CFHR3: variants seen among roughly 807,000 people sequenced by gnomAD.
CFHR3 encodes the protein complement factor H related 3.
In CFHR3, 22 loss-of-function variants were observed where a neutral mutation model predicts 36.0. The observed-to-expected ratio is 0.61, with a 90% CI of 0.44 to 0.87. The LOEUF is 0.87. Among genes scored for constraint, CFHR3 ranks in the 40% least tolerant of loss-of-function variants. The pLI is 0.00. For synonymous variants in CFHR3, 97 were observed against 137.4 expected (o/e 0.71, Z 2.06); for missense variants, 276 against 401.3 (o/e 0.69, Z 2.67).
At chr1:196,786,960 A>G (rs892035313) in intron 3 of CFHR3, among the ~76,000 whole-genome samples, 3 of 136,998 alleles carry the variant, frequency 2.2e-5, no homozygotes, top group Non-Finnish European at 4.7e-5. Context: ...GCCCTCTATG[A>G]TATCTATTTT....
chr1:196,780,378 A>G (rs566569223), intron 3 of CFHR3, among the ~76,000 whole-genome samples: 1 of 137,838 alleles, frequency 7.3e-6, no homozygotes, highest in East Asian at 2.0e-4. Context: ...ATTCAAATAT[A>G]CATTTATATA....
intron 5 of CFHR3, among the ~76,000 whole-genome samples, chr1:196,791,254 A>G (rs1176073432): frequency 7.3e-6 from 1 of 136,398 alleles, no homozygotes; most frequent in East Asian, 2.0e-4. Context: ...AGCCAGTAAT[A>G]TAGGTATACT....
chr1:196,779,914 A>T lies in CFHR3; in HGVS notation c.371A>T (p.Gln124Leu). Residue 124 changes from glutamine (Q) to leucine (L), a missense_variant, in exon 3 of 6, where the codon CAG becomes CTG. Gln to Leu is a moderately radical substitution (Grantham distance 113). This residue lies in a region of CFHR3 where 178 missense variants were observed against 247.2 expected (regional missense o/e 0.72). Transcript: ENST00000367425. ...CHPGYGLPKA[Q>L]TTVTCTEKGW... ...CCTGGCTACGGTCTTCCAAAAGCGCAGACCACAGTTACATGTACGGAGAAA... is the reference window on the plus strand; with the variant it reads ...CCTGGCTACGGTCTTCCAAAAGCGCTGACCACAGTTACATGTACGGAGAAA... 1 of 1,533,618 alleles carries T rather than the reference A, an allele frequency of 6.5e-7. No individual in the cohort carries two copies. Among genetic ancestry groups the T allele is most frequent in the Non-Finnish European group, 8.8e-7 (1 of 1,133,486 alleles).
chr1:196,783,716 A>G lies in CFHR3; in HGVS notation c.430+3743A>G, dbSNP rs139757011. ...TCTTTTTTTCTTTATTACTCTTGCT[A>G]GCAGTCTATCGATTTTGTTGATCCT... On this transcript the variant is annotated intron_variant, in intron 3 of 5. Transcript: ENST00000367425. Among the ~76,000 whole-genome samples the G allele has an allele frequency of 9.9e-3, 1,346 of 135,678 alleles. 346 individuals carry two copies. Among genetic ancestry groups the G allele is most frequent in the African/African-American group, 0.039 (1,265 of 32,120 alleles). The allele number at this position is 135,678 out of a possible 152,430, so 89.0% of individuals were successfully genotyped here.
In CFHR3 at chr1:196,781,513, A is replaced by C. The variant is rs1232657143; in HGVS notation, c.430+1540A>C. 1.3e-4 allele frequency among the ~76,000 whole-genome samples: 17 copies of C among 134,692 alleles called. 3 individuals are homozygous for C. The highest frequency in any genetic ancestry group is 5.0e-4 in the African/African-American group (16 of 31,730). 88.4% of individuals were successfully genotyped at this position (134,692 alleles called of 152,430 possible). On this transcript the variant is annotated intron_variant, in intron 3 of 5. Transcript: ENST00000367425. ...GCCATTCTAACTGGTGTGAGATGGT[A>C]TCTCATTGTGGTTTTGATTTGCATT...
intron 3 of CFHR3, among the ~76,000 whole-genome samples, chr1:196,785,536 C>G (rs1042073986): frequency 7.4e-6 from 1 of 135,938 alleles, no homozygotes; most frequent in Non-Finnish European, 1.6e-5. Flanking sequence ...CTTCCCTTCT[C>G]GCTTCATTTC....
intron 5 of CFHR3, among the ~76,000 whole-genome samples, chr1:196,790,736 AATAATAAATAAATAAATAAAT>A (rs1654394760): frequency 1.2e-5 from 1 of 86,470 alleles, no homozygotes; most frequent in South Asian, 5.1e-4. Flanking sequence ...AAAATAAAAA[AATAATAAATAAATAAATAAAT>A]AAATAAATAA....
rs533257815 is a variant in CFHR3 at position 196,775,705 on chromosome 1, T to C, written c.58+761T>C. Among the ~76,000 whole-genome samples the C allele has an allele frequency of 2.0e-4, 27 of 137,210 alleles. 3 individuals are homozygous for C. Among genetic ancestry groups the C allele is most frequent in the Admixed American group, 9.1e-4 (13 of 14,226 alleles). 90.0% of individuals were successfully genotyped at this position (137,210 alleles called of 152,430 possible). A position where few individuals can be genotyped will look rare whatever the true frequency, so the allele number is the denominator to read the frequency against. ...GCAGGCCTTGCATATTAAAGAACTA[T>C]ATGGTAACATTAGCAGTGGAACCAC... On this transcript the variant is annotated intron_variant, in intron 1 of 5. Coordinates refer to ENST00000367425, the MANE Select transcript of CFHR3 (RefSeq NM_021023.6).
intron 3 of CFHR3, among the ~76,000 whole-genome samples, chr1:196,782,137 G>T (rs1409443598): frequency 6.6e-5 from 9 of 136,620 alleles, no homozygotes; most frequent in Admixed American, 1.4e-4. Context: ...ATTTCTGAGG[G>T]CTCTGTTCTG....
rs747219949 is a variant in CFHR3, at chr1:196,788,762, C to T, written c.613+364C>T. 6 of 1,452,934 alleles carry T rather than the reference C, an allele frequency of 4.1e-6. 1 individual carries two copies. The East Asian group carries it at 9.8e-5, about 24-fold the overall frequency. 90.0% of individuals were successfully genotyped at this position (1,452,934 alleles called of 1,614,324 possible). A position where few individuals can be genotyped will look rare whatever the true frequency, so the allele number is the denominator to read the frequency against. Reference sequence around the variant, plus strand: ...ATTATCAGCTGCTTGTATTGCATTCCGTGCTCACGCTCAGAAAAGTTGTAC... The same window carrying T: ...ATTATCAGCTGCTTGTATTGCATTCTGTGCTCACGCTCAGAAAAGTTGTAC... On this transcript the variant is annotated intron_variant, in intron 4 of 5. Transcript: ENST00000367425.
intron 3 of CFHR3, among the ~76,000 whole-genome samples, chr1:196,780,346 T>A (rs1173708303): frequency 2.9e-5 from 4 of 137,628 alleles, no homozygotes; most frequent in Non-Finnish European, 6.2e-5. Flanking sequence ...TATTCTACTC[T>A]AGAAGGTTTC....
At chr1:196,784,316 G>C (rs1654095114) in intron 3 of CFHR3, among the ~76,000 whole-genome samples, 1 of 135,990 alleles carries the variant, frequency 7.4e-6, no homozygotes, top group Non-Finnish European at 1.6e-5. Context: ...ATGTCTATTA[G>C]GTCCGCTTGG....
chr1:196,789,667 A>T lies in CFHR3; in HGVS notation c.614-378A>T, dbSNP rs1478502902. On this transcript the variant is annotated intron_variant, in intron 4 of 5. Coordinates refer to ENST00000367425, the MANE Select transcript of CFHR3 (RefSeq NM_021023.6). ...AGCTCCGTGACACATTGGACTACGAATGCTACGATGGATATGAAATCAGTT... is the reference window on the plus strand; with the variant it reads ...AGCTCCGTGACACATTGGACTACGATTGCTACGATGGATATGAAATCAGTT... 3.4e-6 allele frequency: 5 copies of T among 1,457,908 alleles called. 1 individual carries two copies. The African/African-American group carries it at 7.0e-5, about 20-fold the overall frequency. 90.3% of individuals were successfully genotyped at this position (1,457,908 alleles called of 1,614,324 possible).
At chr1:196,786,120 T>C (rs1167790952) in intron 3 of CFHR3, among the ~76,000 whole-genome samples, 1 of 136,448 alleles carries the variant, frequency 7.3e-6, no homozygotes, top group Admixed American at 7.0e-5. Flanking sequence ...AACAGCGGAT[T>C]TTCATGAACC....
rs1382694838 is a variant in CFHR3, at chr1:196,792,162, C to G, written c.797-1155C>G. 1.6e-5 allele frequency among the ~76,000 whole-genome samples: 2 copies of G among 121,524 alleles called. 1 individual carries two copies. Among genetic ancestry groups the G allele is most frequent in the Admixed American group, 1.6e-4 (2 of 12,582 alleles). The allele number at this position is 121,524 out of a possible 152,430, so 79.7% of individuals were successfully genotyped here. A position where few individuals can be genotyped will look rare whatever the true frequency, so the allele number is the denominator to read the frequency against. On this transcript the variant is annotated intron_variant, in intron 5 of 5. Coordinates refer to ENST00000367425, the MANE Select transcript of CFHR3 (RefSeq NM_021023.6). ...ACAATATTTATTTTTGAATTGTAAA[C>G]AGCCCCTGAATGTATTGAAGAGCTC...
Position 196,774,900 on chromosome 1 carries a change from T to C in CFHR3, c.14T>C (p.Ile5Thr), listed in dbSNP as rs766958751. Residue 5 changes from isoleucine to threonine, a missense_variant, in exon 1 of 6, where the codon ATC becomes ACC. Physicochemically the swap from Ile to Thr is moderately conservative, Grantham distance 89. Around this residue, in one of 3 missense-constraint regions of CFHR3, gnomAD observed 178 missense variants for 247.2 expected, o/e 0.72. Transcript: ENST00000367425. ...AGAATATCTAACATGTTGTTACTAA[T>C]CAATGTCATTCTGACCTTGTGGGTT... The part of the protein sequence containing the change: MLLL[I>T]NVILTLWVSC... 4.4e-5 allele frequency: 67 copies of C among 1,528,846 alleles called. 12 individuals are homozygous for C. Among genetic ancestry groups the C allele is most frequent in the South Asian group, 1.1e-4 (9 of 80,608 alleles). 94.7% of individuals were successfully genotyped at this position (1,528,846 alleles called of 1,614,324 possible).
At chr1:196,791,216 T>C (rs73073587) in intron 5 of CFHR3, among the ~76,000 whole-genome samples, 3,237 of 135,808 alleles carry the variant, frequency 0.024, 872 homozygotes, top group African/African-American at 0.093. Context: ...TATACCAGAA[T>C]CAAAATGAAT....
In CFHR3 at chr1:196,775,368, C is replaced by CA. The variant is rs1653669190; in HGVS notation, c.58+430dup. Among the ~76,000 whole-genome samples the CA allele has an allele frequency of 2.9e-5, 4 of 136,210 alleles. 1 individual carries two copies. The highest frequency in any genetic ancestry group is 9.2e-5 in the African/African-American group (3 of 32,744). 89.4% of individuals were successfully genotyped at this position (136,210 alleles called of 152,430 possible). On this transcript the variant is annotated intron_variant, in intron 1 of 5. Transcript: ENST00000367425. The stretch of plus-strand genomic sequence containing the variant: ...TGGTGATTTTTATAGATTTATATAT[C>CA]AAAAAATCAAATAATACATTTTAAA...
At position 196,779,893 on chromosome 1, in the gene CFHR3, G is replaced by A; in HGVS notation, c.350G>A (p.Gly117Asp). The A allele has an allele frequency of 1.3e-6, 2 of 1,533,160 alleles. 1 individual carries two copies. Among genetic ancestry groups the A allele is most frequent in the Middle Eastern group, 3.7e-4 (2 of 5,374 alleles). 95.0% of individuals were successfully genotyped at this position (1,533,160 alleles called of 1,614,324 possible). The change falls in exon 3 of 6, where the codon GGC (glycine) becomes GAC (aspartate). Residue 117 changes from glycine (G) to aspartate (D), a missense_variant. Around this residue, in one of 3 missense-constraint regions of CFHR3, gnomAD observed 178 missense variants for 247.2 expected, o/e 0.72. Coordinates refer to ENST00000367425, the MANE Select transcript of CFHR3 (RefSeq NM_021023.6). ...GNSTEVACHP[G>D]YGLPKAQTTV... ...TCTACAGAAGTTGCCTGCCATCCTG[G>A]CTACGGTCTTCCAAAAGCGCAGACC... is the stretch of plus-strand genomic sequence containing the variant.
Sources: allele counts gnomAD v4.1 joint callset (sites outside exome capture counted in the v4.1 genomes callset), GRCh38; gene constraint gnomAD v4.1.1; regional missense constraint gnomAD v4.1.1; transcripts MANE v1.5; gene names NCBI Gene and HGNC (gene_info 2026-07-23, HGNC 2026-07-21).